Variants in TTC7B observed in about 807,000 individuals in gnomAD.
TTC7B encodes the protein tetratricopeptide repeat domain 7B.
TTC7B carries 28 observed loss-of-function variants against 106.8 expected under a neutral mutation model. That is an observed-to-expected ratio of 0.26 (90% confidence interval 0.19 to 0.36). The LOEUF is 0.36. Ranked by LOEUF, TTC7B falls within the 10% of genes least tolerant of loss-of-function variation. TTC7B has a pLI of 1.00. For missense variants in TTC7B, 862 were observed against 1,076.4 expected (o/e 0.80, Z 2.79); for synonymous variants, 405 against 430.6 (o/e 0.94, Z 0.74).
chr14:90,700,583 C>T (rs778005434), intron 5 of TTC7B, among the ~76,000 whole-genome samples: 1 of 151,710 alleles, frequency 6.6e-6, no homozygotes, highest in Non-Finnish European at 1.5e-5. Flanking sequence ...TTCCCCATCT[C>T]CTTGCTGAAA....
intron 1 of TTC7B, among the ~76,000 whole-genome samples, chr14:90,787,637 G>A (rs946570682): frequency 1.3e-5 from 2 of 152,128 alleles, no homozygotes; most frequent in Non-Finnish European, 2.9e-5. Context: ...AAGATTCTGG[G>A]TGGTAAGTCC....
chr14:90,595,611 A>G (rs1337826465), intron 17 of TTC7B, among the ~76,000 whole-genome samples: 2 of 152,210 alleles, frequency 1.3e-5, no homozygotes, highest in Non-Finnish European at 2.9e-5. Flanking sequence ...AGTTAAATAA[A>G]TGAGTAATCT....
At chr14:90,674,471 A>G (rs28419474) in intron 9 of TTC7B, among the ~76,000 whole-genome samples, 15,170 of 152,286 alleles carry the variant, frequency 0.1, 775 homozygotes, top group Non-Finnish European at 0.11. Flanking sequence ...GAAGCCAAGT[A>G]TCCAACCCCT....
At position 90,539,526 on chromosome 14, in the gene TTC7B, G is replaced by A. The variant is rs1206664987; in HGVS notation, c.*1842C>T. 6.6e-6 allele frequency: 1 copy of A among 152,462 alleles called. No individual in the cohort carries two copies. The allele number at this position is 152,462 out of a possible 1,614,324, so 9.4% of individuals were successfully genotyped here. A position where few individuals can be genotyped will look rare whatever the true frequency, so the allele number is the denominator to read the frequency against. ...CCACAAGTGCTGCCTGGCAGGGTCA[G>A]TGCTGAGGCTGGGGCTCCTACCTAC... On this transcript the variant is annotated 3_prime_UTR_variant, in exon 20 of 20. Coordinates refer to ENST00000328459, the MANE Select transcript of TTC7B (RefSeq NM_001010854.2).
intron 7 of TTC7B, among the ~76,000 whole-genome samples, chr14:90,687,776 G>A (rs561658551): frequency 6.6e-6 from 1 of 152,276 alleles, no homozygotes; most frequent in African/African-American, 2.4e-5. Context: ...GGTTCAACAA[G>A]GCTGTAGAAA....
intron 5 of TTC7B, among the ~76,000 whole-genome samples, chr14:90,716,844 C>T (rs961577577): frequency 3.3e-5 from 5 of 152,006 alleles, no homozygotes; most frequent in Non-Finnish European, 7.4e-5. Flanking sequence ...AACCAGCTAC[C>T]ACAACCATCA....
chr14:90,758,568 G>C (rs1034362898), intron 3 of TTC7B, among the ~76,000 whole-genome samples: 16 of 152,230 alleles, frequency 1.1e-4, no homozygotes, highest in African/African-American at 2.9e-4. Flanking sequence ...GCTAGAACGC[G>C]GCTCCCGCGA....
intron 5 of TTC7B, among the ~76,000 whole-genome samples, chr14:90,721,618 C>G (rs1888902109): frequency 6.6e-6 from 1 of 152,050 alleles, no homozygotes; most frequent in Non-Finnish European, 1.5e-5. Context: ...TGCTATGCTG[C>G]TCCTGACTCC....
At chr14:90,660,395 CAAAAAAAAAA>C (rs57030874) in intron 9 of TTC7B, among the ~76,000 whole-genome samples, 5 of 40,892 alleles carry the variant, frequency 1.2e-4, no homozygotes, top group South Asian at 9.6e-4. Context: ...CACCCTGTCT[CAAAAAAAAAA>C]AAAAAAAAAA....
intron 4 of TTC7B, among the ~76,000 whole-genome samples, chr14:90,736,243 C>T (rs1362894361): frequency 6.6e-6 from 1 of 151,724 alleles, no homozygotes; most frequent in Non-Finnish European, 1.5e-5. Flanking sequence ...TTAAAGGTTT[C>T]TCTGTACATA....
chr14:90,666,910 G>C (rs759650744), intron 9 of TTC7B, among the ~76,000 whole-genome samples: 1 of 152,192 alleles, frequency 6.6e-6, no homozygotes, highest in Non-Finnish European at 1.5e-5. Flanking sequence ...GAATCAAGTA[G>C]ACCAAGCTTG....
intron 19 of TTC7B, among the ~76,000 whole-genome samples, chr14:90,548,787 G>A (rs1889947284): frequency 6.6e-6 from 1 of 152,208 alleles, no homozygotes; most frequent in South Asian, 2.1e-4. Context: ...CTGGTCCAGG[G>A]CCTGTGCTCT....
chr14:90,697,738 G>A (rs890623718), intron 5 of TTC7B: 5 of 152,164 alleles, frequency 3.3e-5, no homozygotes, highest in African/African-American at 1.2e-4. Context: ...GTGCAAGACG[G>A]TTTCTCCCAT....
At chr14:90,564,562 T>C (rs1324372021) in intron 19 of TTC7B, among the ~76,000 whole-genome samples, 5 of 152,214 alleles carry the variant, frequency 3.3e-5, no homozygotes, top group African/African-American at 1.2e-4. Flanking sequence ...TTTGTAGCTA[T>C]GAAAGTCCTA....
intron 15 of TTC7B, among the ~76,000 whole-genome samples, chr14:90,636,954 C>T (rs1017861595): frequency 1.4e-5 from 2 of 147,316 alleles, no homozygotes; most frequent in African/African-American, 5.0e-5. Flanking sequence ...AATGAACACC[C>T]AACTAAGAGA....
chr14:90,726,601 T>G (rs1283975817), intron 5 of TTC7B, among the ~76,000 whole-genome samples: 1 of 152,194 alleles, frequency 6.6e-6, no homozygotes, highest in Admixed American at 6.5e-5. Context: ...TATTTTTATT[T>G]GCTCCTCACT....
intron 17 of TTC7B, among the ~76,000 whole-genome samples, chr14:90,602,373 G>T (rs1566792519): frequency 6.6e-6 from 1 of 152,228 alleles, no homozygotes. Flanking sequence ...TCCTTTGGCA[G>T]ATGTGACAAG....
intron 3 of TTC7B, among the ~76,000 whole-genome samples, chr14:90,748,944 T>A (rs1042927292): frequency 4.6e-5 from 7 of 152,232 alleles, no homozygotes; most frequent in African/African-American, 1.7e-4. Flanking sequence ...TTTCAGCTAC[T>A]ATCTGCCTTG....
chr14:90,722,579 G>A (rs1319144261), intron 5 of TTC7B, among the ~76,000 whole-genome samples: 3 of 152,144 alleles, frequency 2.0e-5, no homozygotes, highest in African/African-American at 7.2e-5. Flanking sequence ...AATGGAAGGG[G>A]AAGAACATTT....
Sources: allele counts gnomAD v4.1 joint callset (sites outside exome capture counted in the v4.1 genomes callset), GRCh38; gene constraint gnomAD v4.1.1; transcripts MANE v1.5; gene names NCBI Gene and HGNC (gene_info 2026-07-23, HGNC 2026-07-21).